GPAM: variants seen among roughly 807,000 people sequenced by gnomAD.
GPAM encodes glycerol-3-phosphate acyltransferase, mitochondrial.
In GPAM, 56 loss-of-function variants were observed where a neutral mutation model predicts 105.0. The observed-to-expected ratio is 0.53, with a 90% CI of 0.43 to 0.67. GPAM has a LOEUF of 0.67. GPAM is among the 30% of genes least tolerant of loss of function. GPAM has a pLI of 0.00. For missense variants in GPAM, 855 were observed against 989.8 expected (o/e 0.86, Z 1.83); for synonymous variants, 368 against 354.4 (o/e 1.04, Z -0.43).
chr10:112,193,119 G>A (rs1379563893), intron 1 of GPAM, among the ~76,000 whole-genome samples: 1 of 152,136 alleles, frequency 6.6e-6, no homozygotes, highest in African/African-American at 2.4e-5. Flanking sequence ...CTTTAATACA[G>A]AAAACTACTT....
chr10:112,163,362 CT>C (rs755773262), intron 14 of GPAM, among the ~76,000 whole-genome samples: 32 of 152,194 alleles, frequency 2.1e-4, no homozygotes, highest in Non-Finnish European at 4.3e-4. Context: ...GGACATGCAA[CT>C]ATAAATCTAG....
chr10:112,188,939 A>C (rs1847625006), intron 1 of GPAM, among the ~76,000 whole-genome samples: 1 of 152,202 alleles, frequency 6.6e-6, no homozygotes, highest in African/African-American at 2.4e-5. Flanking sequence ...TCTTGACAAT[A>C]ATTCATGCTG....
At chr10:112,178,193 A>C in intron 4 of GPAM, 136 bp from the exon 5 acceptor site, 1 of 617,146 alleles carries the variant, frequency 1.6e-6, no homozygotes, top group East Asian at 2.8e-5. Context: ...GGAAGAAAAA[A>C]GTTTTATTGA....
At chr10:112,184,140 G>A (rs1847561126), upstream of GPAM, among the ~76,000 whole-genome samples, 2 of 151,766 alleles carry the variant, frequency 1.3e-5, no homozygotes, top group African/African-American at 4.9e-5. Context: ...GAATGGGAGA[G>A]GCAGGGATTG....
At chr10:112,177,781 A>G (rs979664289) in intron 5 of GPAM, among the ~76,000 whole-genome samples, 1 of 152,218 alleles carries the variant, frequency 6.6e-6, no homozygotes, top group African/African-American at 2.4e-5. Flanking sequence ...CCCTGAAATT[A>G]TCTGTAAGTA....
Position 112,168,906 on chromosome 10 carries a change from C to T in GPAM, c.841G>A (p.Asp281Asn), listed in dbSNP as rs757721275. 5.0e-6 allele frequency: 8 copies of T among 1,612,408 alleles called. No homozygotes were observed. The African/African-American group carries it at 5.3e-5, about 11-fold the overall frequency. The stretch of plus-strand genomic sequence containing the variant: ...TCTTTCCGTCCATCTGGTGTTTCAT[C>T]GAGCCTTCGTCGTATGAAGAAGCCC... ...LGGFFIRRRL[D>N]ETPDGRKDVL... Residue 281 changes from aspartate to asparagine, a missense_variant, in exon 10 of 22, where the codon GAT becomes AAT. By Grantham distance (23) the Asp-to-Asn change is conservative. Coordinates refer to ENST00000348367, the MANE Select transcript of GPAM (RefSeq NM_001244949.2).
In GPAM at chr10:112,150,049, A is replaced by C. The variant is rs1032776912; in HGVS notation, c.*3501T>G. On this transcript the variant is annotated 3_prime_UTR_variant, in exon 22 of 22. Coordinates refer to ENST00000348367, the MANE Select transcript of GPAM (RefSeq NM_001244949.2). ...ACATTTCTTTGTACAACAGGCAAAT[A>C]GTTTAATACCTTCCATCAAGACATT... 9.7e-5 allele frequency: 96 copies of C among 985,008 alleles called. No homozygotes were observed. The highest frequency in any genetic ancestry group is 1.1e-4 in the Non-Finnish European group (92 of 829,508). 61.0% of individuals were successfully genotyped at this position (985,008 alleles called of 1,614,324 possible).
chr10:112,194,452 A>G (rs887204248), intron 1 of GPAM, among the ~76,000 whole-genome samples: 1 of 152,248 alleles, frequency 6.6e-6, no homozygotes, highest in African/African-American at 2.4e-5. Flanking sequence ...TATGTCTTTC[A>G]GGAAAACCTT....
chr10:112,215,013 C>T (rs1847953070), intron 1 of GPAM, among the ~76,000 whole-genome samples: 1 of 152,184 alleles, frequency 6.6e-6, no homozygotes, highest in Admixed American at 6.5e-5. Flanking sequence ...GCACAGAATT[C>T]CATGATTCTG....
intron 5 of GPAM, 145 bp downstream of exon 5, chr10:112,177,839 A>C: frequency 1.7e-6 from 1 of 603,648 alleles, no homozygotes; most frequent in Non-Finnish European, 3.0e-6. Context: ...ACTGCTTCCA[A>C]TTTTCAGATA....
chr10:112,154,999 G>A (rs1229248165), intron 20 of GPAM: 3 of 437,338 alleles, frequency 6.9e-6, no homozygotes, highest in East Asian at 9.5e-5. Context: ...CCATTTTCCA[G>A]GACTGTTGTG....
rs759189436 is a variant in GPAM, at chr10:112,168,498, C to T, written c.921G>A (p.Gln307=). 1.2e-6 allele frequency: 2 copies of T among 1,610,806 alleles called. No homozygotes were observed. The highest frequency in any genetic ancestry group is 1.7e-4 in the Middle Eastern group (1 of 6,056). ...HGHIVELLRQ[Q]QFLEIFLEGT... is the part of the protein sequence containing the mutation. ...CTTCCAGGAAGATCTCCAAGAATTG[C>T]TGCTGTCGAAGTAATTCAACTATAT... is the stretch of plus-strand genomic sequence containing the variant. The change falls in exon 11 of 22, where the codon CAG becomes CAA. Residue 307 remains glutamine, a synonymous_variant. Transcript: ENST00000348367.
intron 1 of GPAM, among the ~76,000 whole-genome samples, chr10:112,195,721 A>G (rs1847715822): frequency 6.6e-6 from 1 of 152,244 alleles, no homozygotes. Context: ...GTACCTTGCT[A>G]AAGCAGATGC....
intron 9 of GPAM, among the ~76,000 whole-genome samples, chr10:112,170,909 A>G (rs979915906): frequency 1.3e-5 from 2 of 152,164 alleles, no homozygotes; most frequent in African/African-American, 4.8e-5. Context: ...CTGGTTAGCT[A>G]CAGAACTCTG....
chr10:112,185,761 A>T (rs941129356), upstream of GPAM, among the ~76,000 whole-genome samples: 1 of 152,154 alleles, frequency 6.6e-6, no homozygotes, highest in East Asian at 1.9e-4. Context: ...TGACAGAGCG[A>T]GACTCTGTCT....
Position 112,150,819 on chromosome 10 carries a change from G to A in GPAM, c.*2731C>T, listed in dbSNP as rs1589572371. The A allele has an allele frequency of 1.0e-6, 1 of 984,578 alleles. No individual in the cohort carries two copies. Among genetic ancestry groups the A allele is most frequent in the South Asian group, 4.7e-5 (1 of 21,264 alleles). 61.0% of individuals were successfully genotyped at this position (984,578 alleles called of 1,614,324 possible). Reference sequence around the variant, plus strand: ...ACAGAGCACTCATATTACATGGAGTGCTATGGGAAATGCTTTTCCCCATCC... The same window carrying A: ...ACAGAGCACTCATATTACATGGAGTACTATGGGAAATGCTTTTCCCCATCC... On this transcript the variant is annotated 3_prime_UTR_variant, in exon 22 of 22. Coordinates refer to ENST00000348367, the MANE Select transcript of GPAM (RefSeq NM_001244949.2).
intron 1 of GPAM, among the ~76,000 whole-genome samples, chr10:112,197,371 A>G (rs2133289733): frequency 6.6e-6 from 1 of 151,426 alleles, no homozygotes; most frequent in East Asian, 1.9e-4. Flanking sequence ...AGCCATAGTG[A>G]CTCTTAGCCA....
chr10:112,192,269 A>G (rs1847669549), intron 1 of GPAM, among the ~76,000 whole-genome samples: 1 of 152,238 alleles, frequency 6.6e-6, no homozygotes, highest in Non-Finnish European at 1.5e-5. Flanking sequence ...TGCTGAAGAC[A>G]CAGGGATGAA....
intron 6 of GPAM, 64 bp downstream of exon 6, chr10:112,175,536 C>T (rs1055463709): frequency 2.4e-6 from 2 of 829,712 alleles, no homozygotes. Flanking sequence ...AGAATTACTT[C>T]CCCCTCCCAC....
Sources: gnomAD v4.1 joint callset for allele counts (sites outside exome capture counted in the v4.1 genomes callset) on GRCh38, gnomAD v4.1.1 for gene constraint, MANE v1.5 for transcripts, NCBI Gene and HGNC (gene_info 2026-07-23, HGNC 2026-07-21) for gene names.